SOX9: variants seen among roughly 807,000 people sequenced by gnomAD.
SOX9 encodes SRY-box transcription factor 9.
SOX9 carries 2 observed loss-of-function variants against 44.8 expected under a neutral mutation model. That is an observed-to-expected ratio of 0.04 (90% CI 0.02 to 0.14). The LOEUF (loss-of-function observed/expected upper bound fraction) is 0.14, where lower values mean the gene tolerates loss of function less well. Among genes scored for constraint, SOX9 ranks in the 10% least tolerant of loss-of-function variants. SOX9 has a pLI of 1.00. For missense variants in SOX9, 583 were observed against 728.6 expected (o/e 0.80, Z 2.30); for synonymous variants, 381 against 331.8 (o/e 1.15, Z -1.61).
rs573565478 is a variant in SOX9, at chr17:72,122,986, C to G, written c.685+14C>G. 1.2e-6 allele frequency: 2 copies of G among 1,611,058 alleles called. No individual in the cohort carries two copies. Among genetic ancestry groups the G allele is most frequent in the African/African-American group, 1.3e-5 (1 of 74,900 alleles). On this transcript the variant is annotated intron_variant, in intron 2 of 2. Transcript: ENST00000245479. The stretch of plus-strand genomic sequence containing the variant: ...GCGAGCACTCGGGTGAGTCGCCCCT[C>G]GACCCCACCGGACAAGCTATCTCCG...
In SOX9 at chr17:72,126,193, A is replaced by T. The variant is rs1908278677; in HGVS notation, c.*1806A>T. On this transcript the variant is annotated 3_prime_UTR_variant, in exon 3 of 3. Coordinates refer to ENST00000245479, the MANE Select transcript of SOX9 (RefSeq NM_000346.4). ...TCCTTCAATTTCTGTATAAAAGCAG[A>T]TCTTTTTAAAAAGATACTTCTGTAA... The T allele has an allele frequency of 4.3e-6, 1 of 232,912 alleles. No homozygotes were observed. The highest frequency in any genetic ancestry group is 8.5e-6 in the Non-Finnish European group (1 of 117,658). 14.4% of individuals were successfully genotyped at this position (232,912 alleles called of 1,614,324 possible). A position where few individuals can be genotyped will look rare whatever the true frequency, so the allele number is the denominator to read the frequency against.
chr17:72,123,682 C>A lies in SOX9; in HGVS notation c.825C>A (p.Ile275=), dbSNP rs573481755. 6.2e-7 allele frequency: 1 copy of A among 1,613,852 alleles called. No individual in the cohort carries two copies. The highest frequency in any genetic ancestry group is 8.5e-7 in the Non-Finnish European group (1 of 1,179,886). The change falls in exon 3 of 3, where the codon ATC becomes ATA. Residue 275 remains isoleucine (I), a synonymous_variant. Coordinates refer to ENST00000245479, the MANE Select transcript of SOX9 (RefSeq NM_000346.4). The surrounding 1 kb of genome is among the most constrained non-coding windows in gnomAD (Gnocchi z 6.5). ...CTATCGACTTCCGCGACGTGGACAT[C>A]GGCGAGCTGAGCAGCGACGTCATCT... is the stretch of plus-strand genomic sequence containing the variant. The part of the protein sequence containing the change: ...QPPIDFRDVD[I]GELSSDVISN...
rs564098917 is a variant in SOX9, at chr17:72,123,895, G to A, written c.1038G>A (p.Pro346=). Residue 346 remains proline, a synonymous_variant, in exon 3 of 3, where the codon CCG becomes CCA. Coordinates refer to ENST00000245479, the MANE Select transcript of SOX9 (RefSeq NM_000346.4). The surrounding 1 kb of genome is among the most constrained non-coding windows in gnomAD (Gnocchi z 6.5). ...MSKQQAPPPP[P]QQPPQAPPAP... is the part of the protein sequence containing the mutation. ...AGCAGCAGGCGCCGCCGCCACCCCC[G>A]CAGCAGCCCCCACAGGCCCCGCCGG... The A allele has an allele frequency of 1.4e-5, 21 of 1,464,272 alleles. No homozygotes were observed. The highest frequency in any genetic ancestry group is 7.1e-5 in the South Asian group (5 of 70,828). The allele number at this position is 1,464,272 out of a possible 1,614,324, so 90.7% of individuals were successfully genotyped here.
At position 72,124,622 on chromosome 17, in the gene SOX9, A is replaced by G. The variant is rs1014188691; in HGVS notation, c.*235A>G. ...GCGCATTACCCACTTGTGGCCAATCAGTGGCCAGGCCAACCTTGGCTAAAT... is the reference window on the plus strand; with the variant it reads ...GCGCATTACCCACTTGTGGCCAATCGGTGGCCAGGCCAACCTTGGCTAAAT... On this transcript the variant is annotated 3_prime_UTR_variant, in exon 3 of 3. Coordinates refer to ENST00000245479, the MANE Select transcript of SOX9 (RefSeq NM_000346.4). The surrounding 1 kb of genome is among the most constrained non-coding windows in gnomAD (Gnocchi z 4.6). 3 of 605,972 alleles carry G rather than the reference A, an allele frequency of 5.0e-6. No individual in the cohort carries two copies. The highest frequency in any genetic ancestry group is 2.8e-5 in the East Asian group (1 of 35,484). The allele number at this position is 605,972 out of a possible 1,614,324, so 37.5% of individuals were successfully genotyped here. A position where few individuals can be genotyped will look rare whatever the true frequency, so the allele number is the denominator to read the frequency against.
Position 72,124,164 on chromosome 17 carries a change from C to T in SOX9, c.1307C>T (p.Thr436Ile), listed in dbSNP as rs2143256540. 1 of 1,613,950 alleles carries T rather than the reference C, an allele frequency of 6.2e-7. No individual in the cohort carries two copies. The highest frequency in any genetic ancestry group is 8.5e-7 in the Non-Finnish European group (1 of 1,180,030). Reference protein sequence around the residue: ...PHYSPSYPPITRSQYDYTDHQ... With the variant: ...PHYSPSYPPIIRSQYDYTDHQ... Reference sequence around the variant, plus strand: ...TACAGCCCCTCCTACCCGCCCATCACCCGCTCACAGTACGACTACACCGAC... The same window carrying T: ...TACAGCCCCTCCTACCCGCCCATCATCCGCTCACAGTACGACTACACCGAC... Residue 436 changes from threonine to isoleucine, a missense_variant, in exon 3 of 3, where the codon ACC (threonine) becomes ATC (isoleucine). Transcript: ENST00000245479. This position sits in a 1 kb window ranked among gnomAD's most constrained non-coding sequence, Gnocchi z 4.6.
Position 72,124,048 on chromosome 17 carries a change from C to T in SOX9, c.1191C>T (p.Ile397=), listed in dbSNP as rs1198185919. The change falls in exon 3 of 3, where the codon ATC becomes ATT. Residue 397 remains isoleucine (I), a synonymous_variant. Transcript: ENST00000245479. The surrounding 1 kb of genome is among the most constrained non-coding windows in gnomAD (Gnocchi z 4.6). ...SEPGQSQRTH[I]KTEQLSPSHY... ...CGGGCCAGTCCCAGCGAACGCACAT[C>T]AAGACGGAGCAGCTGAGCCCCAGCC... 1 of 1,612,496 alleles carries T rather than the reference C, an allele frequency of 6.2e-7. No individual in the cohort carries two copies. Among genetic ancestry groups the T allele is most frequent in the South Asian group, 1.1e-5 (1 of 91,024 alleles).
rs772903403 is a variant in SOX9 at position 72,121,434 on chromosome 17, G to A, written c.43G>A (p.Glu15Lys). Residue 15 changes from glutamate to lysine, a missense_variant, in exon 1 of 3, where the codon GAG (glutamate) becomes AAG (lysine). By Grantham distance (56) the Glu-to-Lys change is moderately conservative. This residue lies in a region of SOX9 where 101 missense variants were observed against 98.6 expected (regional missense o/e 1.02). Transcript: ENST00000245479. The surrounding 1 kb of genome is among the most constrained non-coding windows in gnomAD (Gnocchi z 8.3). ...DPFMKMTDEQEKGLSGAPSPT... is the reference protein window; with the variant it reads ...DPFMKMTDEQKKGLSGAPSPT... ...CTTCATGAAGATGACCGACGAGCAG[G>A]AGAAGGGCCTGTCCGGCGCCCCCAG... 6 of 1,612,678 alleles carry A rather than the reference G, an allele frequency of 3.7e-6. No individual in the cohort carries two copies. The highest frequency in any genetic ancestry group is 1.7e-6 in the Non-Finnish European group (2 of 1,179,806).
In SOX9 at chr17:72,123,918, CGGCCCCGCA is replaced by C. The variant is rs1053830620; in HGVS notation, c.1065_1073del (p.Gln357_Pro359del). The C allele has an allele frequency of 1.0e-5, 13 of 1,296,976 alleles. No homozygotes were observed. Among genetic ancestry groups the C allele is most frequent in the African/African-American group, 1.6e-5 (1 of 64,274 alleles). 80.3% of individuals were successfully genotyped at this position (1,296,976 alleles called of 1,614,324 possible). ...CCGCAGCAGCCCCCACAGGCCCCGC[CGGCCCCGCA>C]GGCGCCCCCGCAGCCGCAGGCGGCG... On this transcript the variant is annotated inframe_deletion, in exon 3 of 3. Transcript: ENST00000245479. The surrounding 1 kb of genome is among the most constrained non-coding windows in gnomAD (Gnocchi z 6.5).
Position 72,121,189 on chromosome 17 carries a change from C to G in SOX9, c.-203C>G, listed in dbSNP as rs886053349. ...TCCTCCTCTCCAATTCGCCTCCCCCCACTTGGAGCGGGCAGCTGTGAACTG... is the reference window on the plus strand; with the variant it reads ...TCCTCCTCTCCAATTCGCCTCCCCCGACTTGGAGCGGGCAGCTGTGAACTG... On this transcript the variant is annotated 5_prime_UTR_variant, in exon 1 of 3. Transcript: ENST00000245479. This position sits in a 1 kb window ranked among gnomAD's most constrained non-coding sequence, Gnocchi z 8.3. The G allele has an allele frequency of 2.8e-4, 166 of 591,648 alleles. 1 individual carries two copies. The highest frequency in any genetic ancestry group is 2.3e-4 in the Non-Finnish European group (76 of 335,316). 36.6% of individuals were successfully genotyped at this position (591,648 alleles called of 1,614,324 possible).
At position 72,126,124 on chromosome 17, in the gene SOX9, T is replaced by C. The variant is rs762978226; in HGVS notation, c.*1737T>C. On this transcript the variant is annotated 3_prime_UTR_variant, in exon 3 of 3. Coordinates refer to ENST00000245479, the MANE Select transcript of SOX9 (RefSeq NM_000346.4). The stretch of plus-strand genomic sequence containing the variant: ...TTAAAAAAAGATATATTAACAGTTT[T>C]AGAAGTCAGTAGAATAAAATCTTAA... The C allele has an allele frequency of 8.6e-6, 2 of 232,450 alleles. No homozygotes were observed. Among genetic ancestry groups the C allele is most frequent in the African/African-American group, 4.4e-5 (2 of 45,276 alleles). The allele number at this position is 232,450 out of a possible 1,614,324, so 14.4% of individuals were successfully genotyped here.
rs775464344 is a variant in SOX9, at chr17:72,123,832, G to A, written c.975G>A (p.Ala325=). 94 of 1,605,464 alleles carry A rather than the reference G, an allele frequency of 5.9e-5. No homozygotes were observed. The highest frequency in any genetic ancestry group is 9.0e-5 in the East Asian group (4 of 44,622). Residue 325 remains alanine (A), a synonymous_variant, in exon 3 of 3, where the codon GCG becomes GCA. Coordinates refer to ENST00000245479, the MANE Select transcript of SOX9 (RefSeq NM_000346.4). The surrounding 1 kb of genome is among the most constrained non-coding windows in gnomAD (Gnocchi z 6.5). ...GCAGCTACGGCATCAGCAGCACCGCGGCCACCCCGGCGAGCGCGGGCCACG... is the reference window on the plus strand; with the variant it reads ...GCAGCTACGGCATCAGCAGCACCGCAGCCACCCCGGCGAGCGCGGGCCACG... ...YTGSYGISST[A]ATPASAGHVW...
Position 72,123,501 on chromosome 17 carries a change from C to G in SOX9, c.686-42C>G, listed in dbSNP as rs764081864. On this transcript the variant is annotated intron_variant, in intron 2 of 2. Coordinates refer to ENST00000245479, the MANE Select transcript of SOX9 (RefSeq NM_000346.4). The surrounding 1 kb of genome is among the most constrained non-coding windows in gnomAD (Gnocchi z 6.5). ...GCCTAAGACTAGGGCGTCTGCACAG[C>G]CCTTGTTGATTTTCTCGTGCTTGTT... The G allele has an allele frequency of 6.2e-7, 1 of 1,613,544 alleles. No homozygotes were observed. The highest frequency in any genetic ancestry group is 8.5e-7 in the Non-Finnish European group (1 of 1,179,892).
At position 72,121,117 on chromosome 17, in the gene SOX9, G is replaced by A; in HGVS notation, c.-275G>A. 1 of 561,986 alleles carries A rather than the reference G, an allele frequency of 1.8e-6. No individual in the cohort carries two copies. The highest frequency in any genetic ancestry group is 2.3e-5 in the South Asian group (1 of 44,010). 34.8% of individuals were successfully genotyped at this position (561,986 alleles called of 1,614,324 possible). On this transcript the variant is annotated 5_prime_UTR_variant, in exon 1 of 3. Transcript: ENST00000245479. The surrounding 1 kb of genome is among the most constrained non-coding windows in gnomAD (Gnocchi z 8.3). Reference sequence around the variant, plus strand: ...GAAACTTTTCTTTGCAGGAGGAGAAGAGAAGGGGTGCAAGCGCCCCCACTT... The same window carrying A: ...GAAACTTTTCTTTGCAGGAGGAGAAAAGAAGGGGTGCAAGCGCCCCCACTT...
At position 72,124,824 on chromosome 17, in the gene SOX9, T is replaced by C. The variant is rs1291181736; in HGVS notation, c.*437T>C. On this transcript the variant is annotated 3_prime_UTR_variant, in exon 3 of 3. Coordinates refer to ENST00000245479, the MANE Select transcript of SOX9 (RefSeq NM_000346.4). This position sits in a 1 kb window ranked among gnomAD's most constrained non-coding sequence, Gnocchi z 4.6. ...CCTCTGTGAGGAATATTCTCTATTT[T>C]AAATATTTTTAGTATGTACTGTGTA... 4.2e-5 allele frequency: 15 copies of C among 353,818 alleles called. No homozygotes were observed. The East Asian group carries it at 7.1e-4, about 17-fold the overall frequency. 21.9% of individuals were successfully genotyped at this position (353,818 alleles called of 1,614,324 possible).
Position 72,121,772 on chromosome 17 carries a change from C to T in SOX9, c.381C>T (p.Tyr127=), listed in dbSNP as rs2143240713. 1 of 1,599,044 alleles carries T rather than the reference C, an allele frequency of 6.3e-7. No individual in the cohort carries two copies. The highest frequency in any genetic ancestry group is 8.5e-7 in the Non-Finnish European group (1 of 1,173,526). ...CGCGCAGGAAGCTCGCGGACCAGTA[C>T]CCGCACTTGCACAACGCCGAGCTCA... ...QAARRKLADQ[Y]PHLHNAELSK... Residue 127 remains tyrosine, a synonymous_variant, in exon 1 of 3, where the codon TAC becomes TAT. Coordinates refer to ENST00000245479, the MANE Select transcript of SOX9 (RefSeq NM_000346.4). This position sits in a 1 kb window ranked among gnomAD's most constrained non-coding sequence, Gnocchi z 8.3.
rs1908092216 is a variant in SOX9 at position 72,121,539 on chromosome 17, G to A, written c.148G>A (p.Glu50Lys). The A allele has an allele frequency of 8.7e-6, 14 of 1,609,204 alleles. No individual in the cohort carries two copies. The East Asian group carries it at 2.5e-4, about 28-fold the overall frequency. ...GSDTENTRPQENTFPKGEPDL... is the reference protein window; with the variant it reads ...GSDTENTRPQKNTFPKGEPDL... ...GGACACCGAGAACACGCGGCCCCAG[G>A]AGAACACGTTCCCCAAGGGCGAGCC... The change falls in exon 1 of 3, where the codon GAG becomes AAG. Residue 50 changes from glutamate to lysine, a missense_variant. Transcript: ENST00000245479. This position sits in a 1 kb window ranked among gnomAD's most constrained non-coding sequence, Gnocchi z 8.3.
rs2143259641 is a variant in SOX9 at position 72,124,424 on chromosome 17, A to T, written c.*37A>T. 6.3e-7 allele frequency: 1 copy of T among 1,598,156 alleles called. No homozygotes were observed. The highest frequency in any genetic ancestry group is 8.5e-7 in the Non-Finnish European group (1 of 1,178,522). ...ACGAAGGGCGAAGATGGCCGAGATG[A>T]TCCTAAAAATAACCGAAGAAAGAGA... On this transcript the variant is annotated 3_prime_UTR_variant, in exon 3 of 3. Transcript: ENST00000245479. The surrounding 1 kb of genome is among the most constrained non-coding windows in gnomAD (Gnocchi z 4.6).
In SOX9 at chr17:72,124,635, A is replaced by T. The variant is rs141946815; in HGVS notation, c.*248A>T. ...TTGTGGCCAATCAGTGGCCAGGCCAACCTTGGCTAAATGGAGCAGCGAAAT... is the reference window on the plus strand; with the variant it reads ...TTGTGGCCAATCAGTGGCCAGGCCATCCTTGGCTAAATGGAGCAGCGAAAT... On this transcript the variant is annotated 3_prime_UTR_variant, in exon 3 of 3. Coordinates refer to ENST00000245479, the MANE Select transcript of SOX9 (RefSeq NM_000346.4). The surrounding 1 kb of genome is among the most constrained non-coding windows in gnomAD (Gnocchi z 4.6). The T allele has an allele frequency of 1.7e-6, 1 of 588,912 alleles. No individual in the cohort carries two copies. Among genetic ancestry groups the T allele is most frequent in the Non-Finnish European group, 3.0e-6 (1 of 330,002 alleles). 36.5% of individuals were successfully genotyped at this position (588,912 alleles called of 1,614,324 possible). A position where few individuals can be genotyped will look rare whatever the true frequency, so the allele number is the denominator to read the frequency against.
At position 72,121,516 on chromosome 17, in the gene SOX9, A is replaced by T. The variant is rs2143237322; in HGVS notation, c.125A>T (p.Asp42Val). The T allele has an allele frequency of 6.2e-7, 1 of 1,608,702 alleles. No individual in the cohort carries two copies. Among genetic ancestry groups the T allele is most frequent in the Non-Finnish European group, 8.5e-7 (1 of 1,178,354 alleles). Residue 42 changes from aspartate to valine, a missense_variant, in exon 1 of 3, where the codon GAC (aspartate) becomes GTC (valine). Physicochemically the swap from Asp to Val is radical, Grantham distance 152. Coordinates refer to ENST00000245479, the MANE Select transcript of SOX9 (RefSeq NM_000346.4). This position sits in a 1 kb window ranked among gnomAD's most constrained non-coding sequence, Gnocchi z 8.3. ...CCCTGCCCGTCGGGCTCCGGCTCGG[A>T]CACCGAGAACACGCGGCCCCAGGAG... ...GSPCPSGSGS[D>V]TENTRPQENT...
Sources: allele counts gnomAD v4.1 joint callset, GRCh38; gene constraint gnomAD v4.1.1; regional missense constraint gnomAD v4.1.1; non-coding constraint Gnocchi (gnomAD v3.1); transcripts MANE v1.5; gene names NCBI Gene and HGNC (gene_info 2026-07-23, HGNC 2026-07-21).